The following AOAH variants were observed in gnomAD, a reference collection of about 807,000 sequenced individuals.
AOAH encodes acyloxyacyl hydrolase (neutrophil).
In AOAH, 64 loss-of-function variants were observed where a neutral mutation model predicts 92.2. The observed-to-expected ratio is 0.69, with a 90% CI of 0.57 to 0.86. AOAH has a LOEUF of 0.86. Ranked by LOEUF, AOAH falls within the 40% of genes least tolerant of loss-of-function variation. The pLI, the probability that AOAH is intolerant of heterozygous loss-of-function variation, is 0.00. For missense variants in AOAH, 656 were observed against 694.6 expected (o/e 0.94, Z 0.62); for synonymous variants, 263 against 254.5 (o/e 1.03, Z -0.32).
intron 12 of AOAH, among the ~76,000 whole-genome samples, chr7:36,592,246 GGGGGATGACCAA>G (rs1212070621): frequency 6.6e-6 from 1 of 152,092 alleles, no homozygotes; most frequent in East Asian, 1.9e-4. Flanking sequence ...GTTGAAATTG[GGGGGATGACCAA>G]GGTTCTCTCT....
Position 36,563,743 on chromosome 7 carries a change from A to G in AOAH, c.1021+12831T>C, listed in dbSNP as rs374915100. 2.5e-4 allele frequency among the ~76,000 whole-genome samples: 38 copies of G among 152,300 alleles called. No homozygotes were observed. In the South Asian group the frequency reaches 5.6e-3, roughly 22 times the overall value. On this transcript the variant is annotated intron_variant, in intron 13 of 20. Transcript: ENST00000617537. ...TATTGCAGATTTTGCTTTTATTTTT[A>G]TGATTTAGAGGTAGTTTCAGGAGAA...
intron 1 of AOAH, among the ~76,000 whole-genome samples, chr7:36,721,854 G>T (rs1339217267): frequency 6.6e-6 from 1 of 152,204 alleles, no homozygotes; most frequent in African/African-American, 2.4e-5. Context: ...ATGGAAGATG[G>T]CAAGTAATGC....
At chr7:36,699,834 T>C (rs1240330799) in intron 1 of AOAH, among the ~76,000 whole-genome samples, 1 of 152,084 alleles carries the variant, frequency 6.6e-6, no homozygotes, top group African/African-American at 2.4e-5. Context: ...TTTTGTTGCC[T>C]GTGCTTTTGA....
chr7:36,703,395 T>C (rs1182166619), intron 1 of AOAH, among the ~76,000 whole-genome samples: 1 of 152,184 alleles, frequency 6.6e-6, no homozygotes, highest in Non-Finnish European at 1.5e-5. Context: ...ATGTATTTTA[T>C]TTCTCTTTTT....
chr7:36,656,306 A>T (rs530958967), intron 4 of AOAH, among the ~76,000 whole-genome samples: 1 of 152,316 alleles, frequency 6.6e-6, no homozygotes, highest in East Asian at 1.9e-4. Flanking sequence ...TTGATACGAC[A>T]TTCAAGGATA....
At chr7:36,673,404 G>C (rs1584085974) in intron 3 of AOAH, among the ~76,000 whole-genome samples, 1 of 54,262 alleles carries the variant, frequency 1.8e-5, no homozygotes, top group African/African-American at 1.4e-4. Context: ...CGGTGTGGTG[G>C]CACATGCCCG....
intron 18 of AOAH, 36 bp from the exon 19 acceptor site, chr7:36,530,550 T>C (rs1178415129): frequency 6.9e-7 from 1 of 1,445,740 alleles, no homozygotes; most frequent in Non-Finnish European, 9.7e-7. Flanking sequence ...TTTCATGAAA[T>C]CTAGACTTTG....
intron 13 of AOAH, among the ~76,000 whole-genome samples, chr7:36,568,154 G>T (rs1439233544): frequency 3.3e-5 from 5 of 152,136 alleles, no homozygotes; most frequent in African/African-American, 1.2e-4. Flanking sequence ...GTTATGGGAA[G>T]GTAAGGAGGA....
rs1024357464 is a variant in AOAH at position 36,576,461 on chromosome 7, G to A, written c.1021+113C>T. 59 of 647,562 alleles carry A rather than the reference G, an allele frequency of 9.1e-5. 1 individual carries two copies. The highest frequency in any genetic ancestry group is 3.2e-4 in the South Asian group (13 of 40,092). The allele number at this position is 647,562 out of a possible 1,614,324, so 40.1% of individuals were successfully genotyped here. On this transcript the variant is annotated intron_variant, in intron 13 of 20. Coordinates refer to ENST00000617537, the MANE Select transcript of AOAH (RefSeq NM_001637.4). ...GGGCAATGGCATTGGAAGGGAGACC[G>A]TTCATTTTATTCTGTGATCCTTGTT...
chr7:36,539,039 G>C (rs1785255632), intron 16 of AOAH, among the ~76,000 whole-genome samples: 1 of 152,168 alleles, frequency 6.6e-6, no homozygotes, highest in African/African-American at 2.4e-5. Context: ...AGGGAGAAGT[G>C]GGGTGTTTGT....
At chr7:36,537,653 C>T (rs774557897) in intron 16 of AOAH, among the ~76,000 whole-genome samples, 11 of 151,946 alleles carry the variant, frequency 7.2e-5, no homozygotes, top group South Asian at 2.1e-4. Flanking sequence ...CAAGTAGCTA[C>T]GATTACAGGC....
chr7:36,614,117 A>G lies in AOAH; in HGVS notation c.846+2263T>C, dbSNP rs961391052. On this transcript the variant is annotated intron_variant, in intron 11 of 20. Coordinates refer to ENST00000617537, the MANE Select transcript of AOAH (RefSeq NM_001637.4). This position sits in a 1 kb window ranked among gnomAD's most constrained non-coding sequence, Gnocchi z 4.2. ...GGAGAGGGAAGAGGGAAGCACATCC[A>G]TAGGTGGCTGTATGACAGGGCTTCC... Among the ~76,000 whole-genome samples, 3 of 152,198 alleles carry G rather than the reference A, an allele frequency of 2.0e-5. No homozygotes were observed. Among genetic ancestry groups the G allele is most frequent in the African/African-American group, 4.8e-5 (2 of 41,446 alleles).
At chr7:36,538,694 A>G (rs921468805) in intron 16 of AOAH, among the ~76,000 whole-genome samples, 1 of 152,218 alleles carries the variant, frequency 6.6e-6, no homozygotes, top group Admixed American at 6.5e-5. Flanking sequence ...TCAAAGAGAC[A>G]TTCTTAGCCC....
Position 36,650,166 on chromosome 7 carries a change from C to T in AOAH, c.390+9000G>A, listed in dbSNP as rs186016139. ...CACCACCGTCTTGGAAGTGGCCCACCACCGTCTTGGGAGCTCTGGGAGCAA... is the reference window on the plus strand; with the variant it reads ...CACCACCGTCTTGGAAGTGGCCCACTACCGTCTTGGGAGCTCTGGGAGCAA... On this transcript the variant is annotated intron_variant, in intron 4 of 20. Transcript: ENST00000617537. 8.5e-3 allele frequency among the ~76,000 whole-genome samples: 982 copies of T among 115,430 alleles called. 2 individuals carry two copies. Among genetic ancestry groups the T allele is most frequent in the Non-Finnish European group, 0.012 (660 of 54,390 alleles). 75.7% of individuals were successfully genotyped at this position (115,430 alleles called of 152,430 possible). A position where few individuals can be genotyped will look rare whatever the true frequency, so the allele number is the denominator to read the frequency against.
At chr7:36,710,012 G>T (rs1399959732) in intron 1 of AOAH, among the ~76,000 whole-genome samples, 4 of 152,128 alleles carry the variant, frequency 2.6e-5, no homozygotes, top group Non-Finnish European at 4.4e-5. Context: ...TATTATCTGG[G>T]TGTTAAGTTT....
At chr7:36,688,787 G>GTA (rs746620537) in intron 1 of AOAH, among the ~76,000 whole-genome samples, 75 of 151,392 alleles carry the variant, frequency 5.0e-4, no homozygotes, top group African/African-American at 1.1e-3. Context: ...GAGACTTTGA[G>GTA]TATATATATA....
At chr7:36,717,037 T>C (rs990737647) in intron 1 of AOAH, among the ~76,000 whole-genome samples, 1 of 152,002 alleles carries the variant, frequency 6.6e-6, no homozygotes, top group Non-Finnish European at 1.5e-5. Flanking sequence ...TAGTCGACCC[T>C]GCATTTGCTT....
At chr7:36,681,807 T>C (rs34207668) in intron 2 of AOAH, among the ~76,000 whole-genome samples, 48,900 of 151,702 alleles carry the variant, frequency 0.32, 9,049 homozygotes, top group East Asian at 0.56. Context: ...TCTCCAGAAA[T>C]AAATAAATAA....
At chr7:36,635,629 G>A (rs979178857) in intron 5 of AOAH, among the ~76,000 whole-genome samples, 4 of 152,134 alleles carry the variant, frequency 2.6e-5, no homozygotes, top group African/African-American at 7.2e-5. Context: ...TCCACTGTAC[G>A]ATCCCAATAT....
Sources: allele counts gnomAD v4.1 joint callset (sites outside exome capture counted in the v4.1 genomes callset), GRCh38; gene constraint gnomAD v4.1.1; non-coding constraint Gnocchi (gnomAD v3.1); transcripts MANE v1.5; gene names NCBI Gene and HGNC (gene_info 2026-07-23, HGNC 2026-07-21).